Variants in SMIM13 observed in about 807,000 individuals in gnomAD.
The protein encoded by SMIM13 is UPF0766 protein C6orf228.
SMIM13 carries 3 observed loss-of-function variants against 5.9 expected under a neutral mutation model. That is an observed-to-expected ratio of 0.51 (90% CI 0.23 to 1.31). The LOEUF (loss-of-function observed/expected upper bound fraction) is 1.31. Among genes scored for constraint, SMIM13 ranks in the 40% most tolerant of loss-of-function variants. The probability of loss-of-function intolerance (pLI) is 0.18; values close to 1 mark genes in which losing one functional copy is unlikely to be tolerated. For synonymous variants in SMIM13, 55 were observed against 46.0 expected, an observed-to-expected ratio of 1.19 and a Z score of -0.79; for missense variants, 85 against 109.9, an observed-to-expected ratio of 0.77 and a Z score of 1.01.
chr6:11,117,749 T>A (rs926705974), intron 1 of SMIM13, among the ~76,000 whole-genome samples: 3 of 151,590 alleles, frequency 2.0e-5, no homozygotes, highest in Non-Finnish European at 4.4e-5. Context: ...GGTCTATCTT[T>A]TTTTTTTTTT....
At chr6:11,122,315 A>G (rs1391520274) in intron 1 of SMIM13, among the ~76,000 whole-genome samples, 1 of 152,246 alleles carries the variant, frequency 6.6e-6, no homozygotes, top group African/African-American at 2.4e-5. Flanking sequence ...CATACCTTTA[A>G]CTAGAATCGT....
chr6:11,116,569 C>T (rs1391207337), intron 1 of SMIM13, among the ~76,000 whole-genome samples: 1 of 152,186 alleles, frequency 6.6e-6, no homozygotes, highest in Non-Finnish European at 1.5e-5. Flanking sequence ...CCTGTTTCTT[C>T]TTGAATGAGC....
At chr6:11,107,626 G>C (rs1009662193) in intron 1 of SMIM13, among the ~76,000 whole-genome samples, 1 of 152,176 alleles carries the variant, frequency 6.6e-6, no homozygotes, top group African/African-American at 2.4e-5. Context: ...AAAAGAAAGA[G>C]TCTTTAAGGT....
At chr6:11,108,451 G>A (rs1020756709) in intron 1 of SMIM13, among the ~76,000 whole-genome samples, 2 of 152,206 alleles carry the variant, frequency 1.3e-5, no homozygotes, top group Non-Finnish European at 2.9e-5. Context: ...AGCTTTCAGG[G>A]TAGTCCTGTT....
intron 1 of SMIM13, among the ~76,000 whole-genome samples, chr6:11,133,162 C>T (rs1758472447): frequency 6.6e-6 from 1 of 152,094 alleles, no homozygotes; most frequent in African/African-American, 2.4e-5. Context: ...CTGTTTTACA[C>T]AGAATTTTGG....
chr6:11,122,265 T>A (rs57124162), intron 1 of SMIM13, among the ~76,000 whole-genome samples: 2,266 of 152,342 alleles, frequency 0.015, 51 homozygotes, highest in African/African-American at 0.05. Context: ...ATTTTGAAGT[T>A]CGAATGATCC....
intron 1 of SMIM13, among the ~76,000 whole-genome samples, chr6:11,127,567 A>G (rs1758393160): frequency 1.3e-5 from 2 of 152,218 alleles, no homozygotes; most frequent in Non-Finnish European, 1.5e-5. Context: ...AAGACTCACA[A>G]TTATGGTGGA....
chr6:11,123,562 A>G (rs530497971), intron 1 of SMIM13, among the ~76,000 whole-genome samples: 1 of 152,366 alleles, frequency 6.6e-6, no homozygotes, highest in South Asian at 2.1e-4. Context: ...GGCATACCAG[A>G]AGTGTATGAC....
chr6:11,133,671 G>A (rs1758480053), intron 1 of SMIM13, among the ~76,000 whole-genome samples: 1 of 151,444 alleles, frequency 6.6e-6, no homozygotes, highest in South Asian at 2.1e-4. Flanking sequence ...TTCCTTTATT[G>A]ATTAATGTTT....
chr6:11,103,924 G>A (rs776740901), intron 1 of SMIM13: 12 of 1,551,602 alleles, frequency 7.7e-6, no homozygotes, highest in Middle Eastern at 3.3e-4. Context: ...GCTCGTTCCC[G>A]TAAACTGGAG....
chr6:11,103,132 G>C (rs902586478), intron 1 of SMIM13: 13 of 152,610 alleles, frequency 8.5e-5, no homozygotes, highest in Admixed American at 3.9e-4. Flanking sequence ...GTTCACTGGA[G>C]GAGTTTTTCC....
At chr6:11,110,139 A>G (rs746908740) in intron 1 of SMIM13, among the ~76,000 whole-genome samples, 1 of 152,190 alleles carries the variant, frequency 6.6e-6, no homozygotes, top group Non-Finnish European at 1.5e-5. Flanking sequence ...TCCTGTGCCT[A>G]TGGCAGACTA....
rs190162757 is a variant in SMIM13, at chr6:11,100,876, T to C, written c.76+6487T>C. Among the ~76,000 whole-genome samples, 893 of 152,272 alleles carry C rather than the reference T, an allele frequency of 5.9e-3. 3 individuals are homozygous for C. The highest frequency in any genetic ancestry group is 0.024 in the South Asian group (115 of 4,826). Reference sequence around the variant, plus strand: ...TTGGTTTCTCTTTCAAGATGCTTTTTGGATAGCCTTTTTGTCATTGTATAC... The same window carrying C: ...TTGGTTTCTCTTTCAAGATGCTTTTCGGATAGCCTTTTTGTCATTGTATAC... On this transcript the variant is annotated intron_variant, in intron 1 of 1. Transcript: ENST00000416247.
At position 11,134,427 on chromosome 6, in the gene SMIM13, T is replaced by C; in HGVS notation, c.101T>C (p.Phe34Ser). Reference sequence around the variant, plus strand: ...GGTTGGTATTTTGTATGGCATCTTTTTTTATCAAAATTCAAGTTTCTCCGG... The same window carrying C: ...GGTTGGTATTTTGTATGGCATCTTTCTTTATCAAAATTCAAGTTTCTCCGG... ...VCGWYFVWHLFLSKFKFLREL... is the reference protein window; with the variant it reads ...VCGWYFVWHLSLSKFKFLREL... The change falls in exon 2 of 2, where the codon TTT (phenylalanine) becomes TCT (serine). Residue 34 changes from phenylalanine (F) to serine (S), a missense_variant. Transcript: ENST00000416247. 2 of 1,551,056 alleles carry C rather than the reference T, an allele frequency of 1.3e-6. No homozygotes were observed. Among genetic ancestry groups the C allele is most frequent in the Non-Finnish European group, 8.7e-7 (1 of 1,146,618 alleles).
intron 1 of SMIM13, among the ~76,000 whole-genome samples, chr6:11,130,085 C>T (rs1432553153): frequency 6.6e-6 from 1 of 152,064 alleles, no homozygotes; most frequent in Non-Finnish European, 1.5e-5. Flanking sequence ...TCTTCCTGTC[C>T]TCCTCCTGTC....
intron 1 of SMIM13, among the ~76,000 whole-genome samples, chr6:11,112,250 ACTG>A (rs1234576602): frequency 3.4e-5 from 5 of 149,202 alleles, no homozygotes; most frequent in Non-Finnish European, 5.9e-5. Context: ...TCCTGATAGA[ACTG>A]CTTGCTTTTT....
intron 1 of SMIM13, among the ~76,000 whole-genome samples, chr6:11,112,671 G>A (rs1157666452): frequency 1.3e-5 from 2 of 152,174 alleles, no homozygotes; most frequent in African/African-American, 2.4e-5. Flanking sequence ...TTTGTGTTGT[G>A]TATATCAGTA....
chr6:11,113,872 C>T (rs919097090), intron 1 of SMIM13, among the ~76,000 whole-genome samples: 4 of 151,392 alleles, frequency 2.6e-5, no homozygotes, highest in East Asian at 3.9e-4. Context: ...CCACCGCACC[C>T]GGCTGCCTTT....
intron 1 of SMIM13, among the ~76,000 whole-genome samples, chr6:11,132,683 A>G (rs1758466372): frequency 6.6e-6 from 1 of 152,180 alleles, no homozygotes; most frequent in Admixed American, 6.5e-5. Context: ...GAGGCCACGT[A>G]TTGTATGATT....
Sources: allele counts gnomAD v4.1 joint callset (sites outside exome capture counted in the v4.1 genomes callset), GRCh38; gene constraint gnomAD v4.1.1; transcripts MANE v1.5; gene names NCBI Gene and HGNC (gene_info 2026-07-23, HGNC 2026-07-21).